Variants in USP34 observed in about 807,000 individuals in gnomAD.
The protein encoded by USP34 is ubiquitin specific peptidase 34, also known as ubiquitin carboxyl-terminal hydrolase 34.
Under a neutral mutation model 460.3 loss-of-function variants are expected in USP34, and 70 were observed. The ratio of observed to expected loss-of-function variants is 0.15; its 90% CI spans 0.13 to 0.19. The LOEUF is 0.19. Ranked by LOEUF, USP34 falls within the 10% of genes least tolerant of loss-of-function variation. The pLI, the probability that USP34 is intolerant of heterozygous loss-of-function variation, is 1.00. For synonymous variants in USP34, 1,647 were observed against 1,405.3 expected (o/e 1.17, Z -3.85); for missense variants, 3,985 against 4,236.2 (o/e 0.94, Z 1.65).
intron 41 of USP34, among the ~76,000 whole-genome samples, chr2:61,269,989 T>C (rs1468393832): frequency 6.6e-6 from 1 of 152,220 alleles, no homozygotes; most frequent in African/African-American, 2.4e-5. Context: ...CATCCTACTA[T>C]GCTACTGAGC....
intron 1 of USP34, among the ~76,000 whole-genome samples, chr2:61,458,602 C>G (rs1573065238): frequency 9.5e-6 from 1 of 105,228 alleles, no homozygotes; most frequent in African/African-American, 3.7e-5. Context: ...TCAGTGTCAT[C>G]AATGAAAGAA....
chr2:61,299,850 A>G (rs769766125), intron 29 of USP34, among the ~76,000 whole-genome samples: 8 of 152,174 alleles, frequency 5.3e-5, no homozygotes, highest in Admixed American at 1.3e-4. Flanking sequence ...CTCCATACTT[A>G]TATATCCAAG....
rs1691835946 is a variant in USP34 at position 61,348,360 on chromosome 2, T to C, written c.1795A>G (p.Ser599Gly). 3 of 1,614,128 alleles carry C rather than the reference T, an allele frequency of 1.9e-6. No individual in the cohort carries two copies. Among genetic ancestry groups the C allele is most frequent in the African/African-American group, 1.3e-5 (1 of 75,058 alleles). The change falls in exon 15 of 80, where the codon AGC (serine) becomes GGC (glycine). Residue 599 changes from serine (S) to glycine (G), a missense_variant. By Grantham distance (56) the Ser-to-Gly change is moderately conservative. Around this residue, in one of 14 missense-constraint regions of USP34, gnomAD observed 716 missense variants for 626.2 expected, o/e 1.14. Transcript: ENST00000398571. ...SSNEVNSSHA[S>G]QSAGSPGSEV... ...CTGCCAGGGCTCCCAGCTGACTGGC[T>C]TGCGTGGCTAGAATTAACCTCATTG... is the stretch of plus-strand genomic sequence containing the variant.
intron 1 of USP34, among the ~76,000 whole-genome samples, chr2:61,426,757 C>T (rs1364045221): frequency 6.6e-6 from 1 of 152,118 alleles, no homozygotes; most frequent in Admixed American, 6.6e-5. Context: ...TTGGGTGAGA[C>T]CCAGCATAGT....
chr2:61,324,762 C>T (rs80113996), intron 21 of USP34, among the ~76,000 whole-genome samples: 1 of 151,308 alleles, frequency 6.6e-6, no homozygotes. Flanking sequence ...CAGTGTGAGA[C>T]CATGTCTCAA....
At chr2:61,273,449 T>C (rs943252956) in intron 41 of USP34, among the ~76,000 whole-genome samples, 2 of 152,216 alleles carry the variant, frequency 1.3e-5, no homozygotes, top group African/African-American at 2.4e-5. Context: ...TCAGGCGTGG[T>C]GGCTCATGCT....
chr2:61,470,057 T>C (rs922855900), intron 1 of USP34, among the ~76,000 whole-genome samples: 1 of 152,228 alleles, frequency 6.6e-6, no homozygotes, highest in African/African-American at 2.4e-5. Flanking sequence ...TTAACAAATT[T>C]ATTTTAAAAA....
At position 61,229,591 on chromosome 2, in the gene USP34, G is replaced by T. The variant is rs1005330845; in HGVS notation, c.7156C>A (p.Pro2386Thr). The T allele has an allele frequency of 1.9e-6, 3 of 1,612,456 alleles. No individual in the cohort carries two copies. Among genetic ancestry groups the T allele is most frequent in the Non-Finnish European group, 2.5e-6 (3 of 1,179,508 alleles). ...LCIHVIQRLR[P>T]VHAHLYLQPG... is the part of the protein sequence containing the mutation. ...TGCAAATAGAGATGAGCATGCACAG[G>T]TCTCAGCCTCTGAATCACATGGATA... Residue 2386 changes from proline to threonine, a missense_variant, in exon 59 of 80, where the codon CCT (proline) becomes ACT (threonine). Pro to Thr is a conservative substitution (Grantham distance 38). Coordinates refer to ENST00000398571, the MANE Select transcript of USP34 (RefSeq NM_014709.4).
At chr2:61,467,891 G>C (rs1695825514) in intron 1 of USP34, among the ~76,000 whole-genome samples, 1 of 152,002 alleles carries the variant, frequency 6.6e-6, no homozygotes, top group South Asian at 2.1e-4. Flanking sequence ...AAAGTGTTGG[G>C]AATACAGGCG....
chr2:61,311,422 T>C (rs1572923387), intron 27 of USP34, 118 bp downstream of exon 27: 2 of 1,059,614 alleles, frequency 1.9e-6, no homozygotes, highest in Non-Finnish European at 2.5e-6. Context: ...CTATATGATA[T>C]AACCAAGAAA....
chr2:61,228,811 C>A lies in USP34; in HGVS notation c.7368+16G>T. On this transcript the variant is annotated intron_variant, in intron 60 of 79. Transcript: ENST00000398571. ...AAAGGTAGATAATCAAAAAAATAGACAAGATATAGCCTCACCTCTTCTTCA... is the reference window on the plus strand; with the variant it reads ...AAAGGTAGATAATCAAAAAAATAGAAAAGATATAGCCTCACCTCTTCTTCA... 6.3e-7 allele frequency: 1 copy of A among 1,588,416 alleles called. No homozygotes were observed. The highest frequency in any genetic ancestry group is 8.5e-7 in the Non-Finnish European group (1 of 1,171,156).
chr2:61,302,098 T>C (rs1690244801), intron 27 of USP34, among the ~76,000 whole-genome samples: 1 of 152,120 alleles, frequency 6.6e-6, no homozygotes, highest in Admixed American at 6.5e-5. Context: ...GGAGAAGACA[T>C]TCAAATTAAG....
At chr2:61,262,947 T>G (rs1358162060) in intron 43 of USP34, among the ~76,000 whole-genome samples, 1 of 152,174 alleles carries the variant, frequency 6.6e-6, no homozygotes, top group South Asian at 2.1e-4. Flanking sequence ...ATACTGAGCA[T>G]TTTTTCATAT....
chr2:61,353,432 C>T (rs1470162456), intron 10 of USP34, among the ~76,000 whole-genome samples: 1 of 149,852 alleles, frequency 6.7e-6, no homozygotes, highest in Non-Finnish European at 1.5e-5. Flanking sequence ...TGCTCTGTCA[C>T]CCAGGCTGGA....
intron 49 of USP34, among the ~76,000 whole-genome samples, 155 bp downstream of exon 49, chr2:61,248,356 G>T (rs1688479833): frequency 6.6e-6 from 1 of 152,106 alleles, no homozygotes; most frequent in Non-Finnish European, 1.5e-5. Flanking sequence ...ATATTTACTG[G>T]TTAACTGACT....
chr2:61,198,608 T>C (rs1572828271), intron 75 of USP34, among the ~76,000 whole-genome samples: 2 of 151,760 alleles, frequency 1.3e-5, no homozygotes, highest in South Asian at 4.1e-4. Flanking sequence ...CAGTGGTTCA[T>C]GCCTGTAATC....
At chr2:61,343,723 A>G in intron 16 of USP34, 92 bp downstream of exon 16, 2 of 1,358,270 alleles carry the variant, frequency 1.5e-6, no homozygotes, top group South Asian at 1.3e-5. Flanking sequence ...TTTAAGTACC[A>G]TAACCTTAAC....
In USP34 at chr2:61,280,327, G is replaced by T. The variant is rs1287841220; in HGVS notation, c.5173C>A (p.Pro1725Thr). 1.3e-6 allele frequency: 2 copies of T among 1,531,054 alleles called. No individual in the cohort carries two copies. Among genetic ancestry groups the T allele is most frequent in the South Asian group, 2.7e-5 (2 of 73,616 alleles). The allele number at this position is 1,531,054 out of a possible 1,614,324, so 94.8% of individuals were successfully genotyped here. A position where few individuals can be genotyped will look rare whatever the true frequency, so the allele number is the denominator to read the frequency against. ...PIRIDDYEEE[P>T]ILKPGCKEYF... ...TCTTTACATCCTGGTTTTAATATTG[G>T]TTCTTCCTCATAATCATCTATCTAT... The change falls in exon 39 of 80, where the codon CCA becomes ACA. Residue 1725 changes from proline (P) to threonine (T), a missense_variant. Physicochemically the swap from Pro to Thr is conservative, Grantham distance 38 (BLOSUM62 -1). Transcript: ENST00000398571.
chr2:61,192,140 A>G (rs555072456), intron 76 of USP34, among the ~76,000 whole-genome samples: 9 of 152,340 alleles, frequency 5.9e-5, no homozygotes, highest in Non-Finnish European at 1.2e-4. Flanking sequence ...TACTTCAGGA[A>G]AGCATGATGT....
Sources: gnomAD v4.1 joint callset for allele counts (sites outside exome capture counted in the v4.1 genomes callset) on GRCh38, gnomAD v4.1.1 for gene constraint, gnomAD v4.1.1 regional missense constraint, MANE v1.5 for transcripts, NCBI Gene and HGNC (gene_info 2026-07-23, HGNC 2026-07-21) for gene names.